Variants in SHISAL1 observed in about 807,000 individuals in gnomAD.
SHISAL1 encodes the protein protein shisa-like-1.
In SHISAL1, 9 loss-of-function variants were observed where a neutral mutation model predicts 22.6. The observed-to-expected ratio is 0.40, with a 90% CI of 0.24 to 0.70. The LOEUF (loss-of-function observed/expected upper bound fraction) is 0.70. Ranked by LOEUF, SHISAL1 falls within the 30% of genes least tolerant of loss-of-function variation. SHISAL1 has a pLI of 0.39. For missense variants in SHISAL1, 246 were observed against 270.6 expected (o/e 0.91, Z 0.64); for synonymous variants, 119 against 115.4 (o/e 1.03, Z -0.20).
At chr22:44,264,633 G>A (rs2055149079) in intron 4 of SHISAL1, among the ~76,000 whole-genome samples, 1 of 152,200 alleles carries the variant, frequency 6.6e-6, no homozygotes, top group Admixed American at 6.5e-5. Context: ...TGTGGCCCAA[G>A]ATGTTTAACC....
At chr22:44,312,052 C>T (rs933884119) in intron 1 of SHISAL1, among the ~76,000 whole-genome samples, 1 of 152,164 alleles carries the variant, frequency 6.6e-6, no homozygotes, top group Non-Finnish European at 1.5e-5. Flanking sequence ...GGTTTCTCTT[C>T]AGCTCCCTCA....
chr22:44,260,477 G>A (rs1336031564), intron 4 of SHISAL1, among the ~76,000 whole-genome samples: 1 of 152,238 alleles, frequency 6.6e-6, no homozygotes, highest in East Asian at 1.9e-4. Flanking sequence ...GGCTGGTAAA[G>A]GTTGGGACAG....
At chr22:44,272,457 T>C (rs1241326029) in intron 4 of SHISAL1, among the ~76,000 whole-genome samples, 1 of 152,364 alleles carries the variant, frequency 6.6e-6, no homozygotes, top group East Asian at 1.9e-4. Flanking sequence ...ACACGGGGCA[T>C]GGCCTGCAGC....
Position 44,306,407 on chromosome 22 carries a change from A to G in SHISAL1, c.-32-5430T>C, listed in dbSNP as rs60580662. On this transcript the variant is annotated intron_variant, in intron 1 of 4. Transcript: ENST00000381176. ...CTGAGCTCGGGGAGCTGTGATGACG[A>G]TGGCGTGTGCAGAGGGGACCTGGGC... Among the ~76,000 whole-genome samples, 167 of 138,776 alleles carry G rather than the reference A, an allele frequency of 1.2e-3. 10 individuals carry two copies. The East Asian group carries it at 0.027, about 23-fold the overall frequency. 91.0% of individuals were successfully genotyped at this position (138,776 alleles called of 152,430 possible). A position where few individuals can be genotyped will look rare whatever the true frequency, so the allele number is the denominator to read the frequency against.
intron 3 of SHISAL1, among the ~76,000 whole-genome samples, chr22:44,289,888 G>C (rs2055341386): frequency 6.6e-6 from 1 of 152,260 alleles, no homozygotes; most frequent in African/African-American, 2.4e-5. Context: ...AAAAACCAAA[G>C]GCTGTTTTAT....
chr22:44,251,597 A>G (rs1213082136), intron 4 of SHISAL1, among the ~76,000 whole-genome samples: 1 of 152,230 alleles, frequency 6.6e-6, no homozygotes, highest in South Asian at 2.1e-4. Context: ...GGGAGGCCTC[A>G]CAATCATGGC....
chr22:44,315,948 A>T (rs2055555911), upstream of SHISAL1, among the ~76,000 whole-genome samples: 1 of 152,134 alleles, frequency 6.6e-6, no homozygotes, highest in Non-Finnish European at 1.5e-5. Flanking sequence ...AGTCCGGGGC[A>T]GGGAGGGGAG....
At chr22:44,300,345 G>C (rs2147302123) in intron 2 of SHISAL1, among the ~76,000 whole-genome samples, 1 of 152,338 alleles carries the variant, frequency 6.6e-6, no homozygotes, top group South Asian at 2.1e-4. Context: ...CTTGAACTTG[G>C]GCTCTCAGCT....
At chr22:44,285,241 C>T (rs1356104498) in intron 4 of SHISAL1, among the ~76,000 whole-genome samples, 187 bp downstream of exon 4, 2 of 152,240 alleles carry the variant, frequency 1.3e-5, no homozygotes, top group Non-Finnish European at 2.9e-5. Flanking sequence ...CTCATTTTGA[C>T]TTTCCTGTCT....
rs569902557 is a variant in SHISAL1, at chr22:44,270,130, G to A, written c.599+15298C>T. Reference sequence around the variant, plus strand: ...GTCAGCTGCGTGGCAGTGGCCTCTCGCCAAAACCCCACCTGACGAAGTCTC... The same window carrying A: ...GTCAGCTGCGTGGCAGTGGCCTCTCACCAAAACCCCACCTGACGAAGTCTC... On this transcript the variant is annotated intron_variant, in intron 4 of 4. Transcript: ENST00000381176. Among the ~76,000 whole-genome samples the A allele has an allele frequency of 1.2e-4, 19 of 152,272 alleles. No individual in the cohort carries two copies. In the South Asian group the frequency reaches 1.7e-3, roughly 13 times the overall value.
chr22:44,254,070 G>A (rs1352477606), intron 4 of SHISAL1, among the ~76,000 whole-genome samples: 15 of 151,932 alleles, frequency 9.9e-5, no homozygotes, highest in Admixed American at 9.8e-4. Flanking sequence ...ATAACCTTGA[G>A]TTAGAGCAAA....
In SHISAL1 at chr22:44,285,480, G is replaced by A. The variant is rs772942802; in HGVS notation, c.547C>T (p.Arg183Trp). 12 of 1,613,902 alleles carry A rather than the reference G, an allele frequency of 7.4e-6. No individual in the cohort carries two copies. Among genetic ancestry groups the A allele is most frequent in the African/African-American group, 5.3e-5 (4 of 74,912 alleles). Residue 183 changes from arginine to tryptophan, a missense_variant, in exon 4 of 5, where the codon CGG (arginine) becomes TGG (tryptophan). Physicochemically the swap from Arg to Trp is moderately radical, Grantham distance 101. Coordinates refer to ENST00000381176, the MANE Select transcript of SHISAL1 (RefSeq NM_001099294.2). ...AGCGGTGGGCTGTGAGCATCTCCCC[G>A]CAATGTGTGCACGGCCTGTGGGGCT... ...PQAPQAVHTL[R>W]GDAHSPPLMT...
At chr22:44,312,581 T>A (rs2055527359) in intron 1 of SHISAL1, among the ~76,000 whole-genome samples, 170 bp downstream of exon 1, 1 of 152,126 alleles carries the variant, frequency 6.6e-6, no homozygotes, top group Non-Finnish European at 1.5e-5. Flanking sequence ...GGCATAGCCG[T>A]CACCCCGGCC....
Position 44,300,846 on chromosome 22 carries a change from C to T in SHISAL1, c.67+33G>A, listed in dbSNP as rs201677173. On this transcript the variant is annotated intron_variant, in intron 2 of 4. Coordinates refer to ENST00000381176, the MANE Select transcript of SHISAL1 (RefSeq NM_001099294.2). ...AGGAAGAGCCCACACCCCCACGTGC[C>T]GCCCCCGCCCCCAGCATCCACGGAG... The T allele has an allele frequency of 1.2e-4, 196 of 1,594,956 alleles. 1 individual carries two copies. In the East Asian group the frequency reaches 1.5e-3, roughly 12 times the overall value.
intron 2 of SHISAL1, among the ~76,000 whole-genome samples, chr22:44,298,033 G>A (rs1038941667): frequency 6.6e-6 from 1 of 152,188 alleles, no homozygotes; most frequent in African/African-American, 2.4e-5. Flanking sequence ...CTGGGGTGCT[G>A]AGGCTGCCTC....
At chr22:44,331,112 C>G in the SHISAL1 span, among the ~76,000 whole-genome samples, 14 of 152,052 alleles carry the variant, frequency 9.2e-5, no homozygotes, top group Non-Finnish European at 1.9e-4. This position sits in a 1 kb window ranked among gnomAD's most constrained non-coding sequence, Gnocchi z 5.2. Context: ...CGCGGTGCGC[C>G]CCGAACTGCT....
rs761617072 is a variant in SHISAL1 at position 44,303,003 on chromosome 22, G to A, written c.-32-2026C>T. ...AGAGACAGGGCTTTGGGCCCTGAGG[G>A]GACTAGATTACTTAGACTATGATCA... On this transcript the variant is annotated intron_variant, in intron 1 of 4. Coordinates refer to ENST00000381176, the MANE Select transcript of SHISAL1 (RefSeq NM_001099294.2). 2.0e-4 allele frequency among the ~76,000 whole-genome samples: 31 copies of A among 152,146 alleles called. 3 individuals are homozygous for A. Among genetic ancestry groups the A allele is most frequent in the Middle Eastern group, 3.4e-3 (1 of 294 alleles).
Position 44,296,933 on chromosome 22 carries a change from G to C in SHISAL1, c.68-48C>G, listed in dbSNP as rs534745541. Reference sequence around the variant, plus strand: ...TCAGAGGGGTCCCTCACCAGTCCACGGGTGCCAAGAGGCAGGGGGACTGGC... The same window carrying C: ...TCAGAGGGGTCCCTCACCAGTCCACCGGTGCCAAGAGGCAGGGGGACTGGC... On this transcript the variant is annotated intron_variant, in intron 2 of 4. Transcript: ENST00000381176. 4.1e-6 allele frequency: 6 copies of C among 1,479,878 alleles called. No individual in the cohort carries two copies. The South Asian group carries it at 7.0e-5, about 17-fold the overall frequency. 91.7% of individuals were successfully genotyped at this position (1,479,878 alleles called of 1,614,324 possible).
intron 4 of SHISAL1, among the ~76,000 whole-genome samples, chr22:44,269,277 A>G (rs2055188263): frequency 1.3e-5 from 2 of 149,864 alleles, no homozygotes; most frequent in Non-Finnish European, 3.0e-5. Context: ...CACCCACAAC[A>G]CACATACACA....
Sources: allele counts gnomAD v4.1 joint callset (sites outside exome capture counted in the v4.1 genomes callset), GRCh38; gene constraint gnomAD v4.1.1; non-coding constraint Gnocchi (gnomAD v3.1); transcripts MANE v1.5; gene names NCBI Gene and HGNC (gene_info 2026-07-23, HGNC 2026-07-21).